Variants in PTPRQ observed in about 807,000 individuals in gnomAD.
PTPRQ encodes phosphatidylinositol phosphatase PTPRQ.
PTPRQ carries 199 observed loss-of-function variants against 246.0 expected under a neutral mutation model. The ratio of observed to expected loss-of-function variants is 0.81; its 90% confidence interval spans 0.72 to 0.91. The LOEUF (loss-of-function observed/expected upper bound fraction) is 0.91. Among genes scored for constraint, PTPRQ ranks in the 40% least tolerant of loss-of-function variants. The pLI, the probability that PTPRQ is intolerant of heterozygous loss-of-function variation, is 0.00. For synonymous variants in PTPRQ, 869 were observed against 853.2 expected, an observed-to-expected ratio of 1.02 and a Z score of -0.32; for missense variants, 2,624 against 2,528.4, an observed-to-expected ratio of 1.04 and a Z score of -0.81.
rs140201597 is a variant in PTPRQ at position 80,607,983 on chromosome 12, A to G, written c.4732-2456A>G. Among the ~76,000 whole-genome samples the G allele has an allele frequency of 2.0e-4, 30 of 150,930 alleles. 1 individual carries two copies. The East Asian group carries it at 5.9e-3, about 29-fold the overall frequency. On this transcript the variant is annotated intron_variant, in intron 27 of 44. Coordinates refer to ENST00000644991, the MANE Select transcript of PTPRQ (RefSeq NM_001145026.2). ...AACAGCTAATTATAGAGTTTGAGGT[A>G]TGAAGTTTTGTGGGGAATATAAGGT...
chr12:80,647,984 G>T (rs1231403378), intron 35 of PTPRQ, among the ~76,000 whole-genome samples: 1 of 152,056 alleles, frequency 6.6e-6, no homozygotes, highest in Non-Finnish European at 1.5e-5. Flanking sequence ...GTATTGTAAT[G>T]AAATATACTT....
At position 80,495,544 on chromosome 12, in the gene PTPRQ, C is replaced by T. The variant is rs12309616; in HGVS notation, c.1882+173C>T. Among the ~76,000 whole-genome samples the T allele has an allele frequency of 0.053, 8,036 of 151,826 alleles. 524 individuals are homozygous for T. Among genetic ancestry groups the T allele is most frequent in the African/African-American group, 0.15 (6,036 of 41,410 alleles). On this transcript the variant is annotated intron_variant, in intron 12 of 44. Transcript: ENST00000644991. ...TTTTAAAATACCTGCATACATAACT[C>T]GATTAAATGTGTTTTTCTTTTACTA...
At chr12:80,676,050 C>T (rs749958892) in intron 43 of PTPRQ, among the ~76,000 whole-genome samples, 3 of 152,096 alleles carry the variant, frequency 2.0e-5, no homozygotes, top group African/African-American at 4.8e-5. Context: ...ATCAGGTACT[C>T]GGAAGCCCTC....
intron 25 of PTPRQ, among the ~76,000 whole-genome samples, chr12:80,568,023 C>G (rs887370343): frequency 6.6e-6 from 1 of 151,970 alleles, no homozygotes; most frequent in African/African-American, 2.4e-5. Context: ...TGATTATTGG[C>G]CATTCATATA....
chr12:80,660,983 AT>A (rs2121258244), intron 39 of PTPRQ, among the ~76,000 whole-genome samples: 1 of 145,676 alleles, frequency 6.9e-6, no homozygotes, highest in South Asian at 2.1e-4. Context: ...GAGGATAAGC[AT>A]GTATATTTCC....
chr12:80,470,070 G>C (rs1371522313), intron 7 of PTPRQ, among the ~76,000 whole-genome samples: 1 of 152,200 alleles, frequency 6.6e-6, no homozygotes, highest in Admixed American at 6.5e-5. Flanking sequence ...GATAAGTGAA[G>C]TCAACAGGTC....
At chr12:80,657,930 A>T (rs1377525387) in intron 38 of PTPRQ, 55 bp from the exon 39 acceptor site, 13 of 1,250,356 alleles carry the variant, frequency 1.0e-5, no homozygotes, top group Non-Finnish European at 1.4e-5. Context: ...ATAGTAAAAA[A>T]AGTAGTAACA....
At chr12:80,581,699 A>G (rs1897441811) in intron 25 of PTPRQ, among the ~76,000 whole-genome samples, 1 of 152,136 alleles carries the variant, frequency 6.6e-6, no homozygotes, top group African/African-American at 2.4e-5. Flanking sequence ...AAAGACAAAT[A>G]ACAGATTTGG....
chr12:80,571,420 G>A (rs1298954823), intron 25 of PTPRQ, among the ~76,000 whole-genome samples: 1 of 152,188 alleles, frequency 6.6e-6, no homozygotes, highest in Non-Finnish European at 1.5e-5. Context: ...TTACAGGTGT[G>A]AGCCACCACA....
intron 25 of PTPRQ, among the ~76,000 whole-genome samples, chr12:80,583,475 T>G (rs990446246): frequency 4.6e-5 from 7 of 152,168 alleles, no homozygotes; most frequent in Non-Finnish European, 8.8e-5. Context: ...CTGAGATTTA[T>G]AGGAAAGTAA....
chr12:80,622,588 T>A (rs1169746936), intron 33 of PTPRQ, among the ~76,000 whole-genome samples: 4 of 152,036 alleles, frequency 2.6e-5, no homozygotes, highest in Non-Finnish European at 5.9e-5. Context: ...AGCCCTAATG[T>A]TGACTCCATT....
At chr12:80,658,084 T>TTA (rs1900502920) in intron 39 of PTPRQ, 23 bp downstream of exon 39, 5 of 1,259,280 alleles carry the variant, frequency 4.0e-6, no homozygotes, top group Non-Finnish European at 5.2e-6. Context: ...TTTATATATT[T>TTA]TATAATTGTA....
chr12:80,459,087 CTAAAG>C (rs1427371218), intron 4 of PTPRQ, among the ~76,000 whole-genome samples, 192 bp from the exon 5 acceptor site: 1 of 151,982 alleles, frequency 6.6e-6, no homozygotes, highest in Non-Finnish European at 1.5e-5. Context: ...CCCAGTTATC[CTAAAG>C]TAAAGTTGAC....
At chr12:80,520,348 A>G (rs1223134494) in intron 17 of PTPRQ, among the ~76,000 whole-genome samples, 1 of 152,006 alleles carries the variant, frequency 6.6e-6, no homozygotes, top group Non-Finnish European at 1.5e-5. Context: ...TTAATCACAT[A>G]TTACTTTTAA....
chr12:80,588,569 A>G, intron 26 of PTPRQ, 117 bp downstream of exon 26: 1 of 1,120,390 alleles, frequency 8.9e-7, no homozygotes. Flanking sequence ...GAAATAACTG[A>G]GGACACTACC....
Position 80,494,970 on chromosome 12 carries a change from T to G in PTPRQ, c.1578T>G (p.Ala526=). ...ATCAGTATATTACTGACATTGCAGC[T>G]GAACAGCTGTCTTATGTTATCAGGA... ...TRNQYITDIA[A]EQLSYVIRRL... is the part of the protein sequence containing the mutation. Residue 526 remains alanine, a synonymous_variant, in exon 11 of 45, where the codon GCT becomes GCG. Coordinates refer to ENST00000644991, the MANE Select transcript of PTPRQ (RefSeq NM_001145026.2). The G allele has an allele frequency of 6.5e-7, 1 of 1,550,010 alleles. No homozygotes were observed. Among genetic ancestry groups the G allele is most frequent in the Non-Finnish European group, 8.7e-7 (1 of 1,145,920 alleles).
intron 25 of PTPRQ, among the ~76,000 whole-genome samples, chr12:80,587,550 G>A (rs1034118889): frequency 6.6e-6 from 1 of 152,102 alleles, no homozygotes; most frequent in Non-Finnish European, 1.5e-5. Flanking sequence ...TGTAGTTAGT[G>A]TGGAAGCAAA....
intron 14 of PTPRQ, among the ~76,000 whole-genome samples, chr12:80,505,450 T>C (rs1400304781): frequency 6.6e-6 from 1 of 151,906 alleles, no homozygotes; most frequent in African/African-American, 2.4e-5. Context: ...AGTTTTGTAC[T>C]CAAATATACA....
intron 32 of PTPRQ, among the ~76,000 whole-genome samples, chr12:80,620,699 G>A (rs1898949257): frequency 6.6e-6 from 1 of 151,758 alleles, no homozygotes; most frequent in Non-Finnish European, 1.5e-5. Context: ...AGGACAATGT[G>A]ACTAATGTGT....
Sources: allele counts gnomAD v4.1 joint callset (sites outside exome capture counted in the v4.1 genomes callset), GRCh38; gene constraint gnomAD v4.1.1; transcripts MANE v1.5; gene names NCBI Gene and HGNC (gene_info 2026-07-23, HGNC 2026-07-21).